Variants in SH3RF3 observed in about 807,000 individuals in gnomAD.
SH3RF3 encodes E3 ubiquitin-protein ligase SH3RF3.
SH3RF3 carries 29 observed loss-of-function variants against 66.3 expected under a neutral mutation model. That is an observed-to-expected ratio of 0.44 (90% CI 0.33 to 0.60). The LOEUF is 0.60. SH3RF3 is among the 20% of genes least tolerant of loss of function. The pLI, the probability that SH3RF3 is intolerant of heterozygous loss-of-function variation, is 0.04. For missense variants in SH3RF3, 1,194 were observed against 1,190.9 expected, an observed-to-expected ratio of 1.00 and a Z score of -0.04; for synonymous variants, 583 against 532.0, an observed-to-expected ratio of 1.10 and a Z score of -1.32.
chr2:109,383,008 AGATCG>A, intron 3 of SH3RF3, among the ~76,000 whole-genome samples: 2 of 152,340 alleles, frequency 1.3e-5, no homozygotes, highest in East Asian at 3.9e-4. Context: ...CTGAACCTGG[AGATCG>A]GCCTTAGGAA....
At chr2:109,235,401 T>C (rs1325384523) in intron 1 of SH3RF3, among the ~76,000 whole-genome samples, 3 of 152,100 alleles carry the variant, frequency 2.0e-5, no homozygotes, top group East Asian at 3.9e-4. Context: ...AGCCTTTGTG[T>C]GTGTTAGCTG....
intron 1 of SH3RF3, among the ~76,000 whole-genome samples, chr2:109,132,004 C>T (rs1291958693): frequency 6.6e-6 from 1 of 152,224 alleles, no homozygotes; most frequent in East Asian, 1.9e-4. Flanking sequence ...GCATATCAGG[C>T]ATTGAGCAAC....
At chr2:109,252,073 GCCATC>G (rs1680106519) in intron 1 of SH3RF3, among the ~76,000 whole-genome samples, 1 of 127,164 alleles carries the variant, frequency 7.9e-6, no homozygotes. Context: ...ATATAGAGAT[GCCATC>G]TCTACAAAAA....
intron 7 of SH3RF3, among the ~76,000 whole-genome samples, chr2:109,442,323 A>G (rs1039853620): frequency 3.9e-5 from 6 of 152,066 alleles, no homozygotes; most frequent in Non-Finnish European, 7.4e-5. Context: ...AAAAAAAAAA[A>G]AAAGAAAAAA....
intron 1 of SH3RF3, among the ~76,000 whole-genome samples, chr2:109,225,315 G>T: frequency 6.6e-6 from 1 of 152,220 alleles, no homozygotes; most frequent in East Asian, 1.9e-4. Context: ...GTACTCAGCT[G>T]GGTGGAGAGA....
In SH3RF3 at chr2:109,502,758, C is replaced by T. The variant is rs971391592; in HGVS notation, c.*1087C>T. ...AAGGAGCACGCAGGTCAACCCCAGC[C>T]GGGAAGGCAAAATCTTCCCTTTATT... On this transcript the variant is annotated 3_prime_UTR_variant, in exon 10 of 10. Coordinates refer to ENST00000309415, the MANE Select transcript of SH3RF3 (RefSeq NM_001099289.3). 5.3e-5 allele frequency: 8 copies of T among 152,216 alleles called. No individual in the cohort carries two copies. In the East Asian group the frequency reaches 5.8e-4, roughly 11 times the overall value. The allele number at this position is 152,216 out of a possible 1,614,324, so 9.4% of individuals were successfully genotyped here. A position where few individuals can be genotyped will look rare whatever the true frequency, so the allele number is the denominator to read the frequency against.
At chr2:109,253,563 A>G (rs575029620) in intron 1 of SH3RF3, among the ~76,000 whole-genome samples, 98 of 152,308 alleles carry the variant, frequency 6.4e-4, no homozygotes, top group African/African-American at 2.3e-3. Flanking sequence ...TGCTGGATCT[A>G]AGATGTTGAG....
At chr2:109,201,989 A>G in intron 1 of SH3RF3, among the ~76,000 whole-genome samples, 1 of 152,238 alleles carries the variant, frequency 6.6e-6, no homozygotes, top group Non-Finnish European at 1.5e-5. Context: ...TAATATGTCC[A>G]AAGGAAACGG....
chr2:109,405,826 G>T (rs911762315), intron 4 of SH3RF3, among the ~76,000 whole-genome samples: 4 of 152,234 alleles, frequency 2.6e-5, no homozygotes, highest in Non-Finnish European at 5.9e-5. Context: ...TGGGCTTTTA[G>T]GTCCTTGAAG....
chr2:109,312,845 A>T (rs2889869), intron 1 of SH3RF3, among the ~76,000 whole-genome samples: 12,251 of 152,108 alleles, frequency 0.081, 1,160 homozygotes, highest in African/African-American at 0.23. Context: ...GGGTACAAAC[A>T]TTTGCTTGAA....
intron 1 of SH3RF3, among the ~76,000 whole-genome samples, chr2:109,172,122 C>T (rs1251860871): frequency 6.6e-6 from 1 of 152,338 alleles, no homozygotes. Flanking sequence ...TGACCTGGGG[C>T]AGAGCGGGTG....
intron 5 of SH3RF3, among the ~76,000 whole-genome samples, chr2:109,431,229 A>G (rs923592540): frequency 4.6e-5 from 7 of 152,182 alleles, no homozygotes; most frequent in Non-Finnish European, 1.0e-4. Flanking sequence ...AAGCCGCTGG[A>G]TAGGGTCAGC....
At chr2:109,227,822 C>T (rs1679406400) in intron 1 of SH3RF3, among the ~76,000 whole-genome samples, 1 of 152,236 alleles carries the variant, frequency 6.6e-6, no homozygotes, top group Admixed American at 6.5e-5. Flanking sequence ...CGAATTCCCG[C>T]TCACTCTGGC....
At chr2:109,184,192 C>T (rs907123226) in intron 1 of SH3RF3, among the ~76,000 whole-genome samples, 4 of 152,200 alleles carry the variant, frequency 2.6e-5, no homozygotes, top group Admixed American at 2.0e-4. Context: ...TCCATATCTC[C>T]TCCCAGGTGG....
At position 109,182,411 on chromosome 2, in the gene SH3RF3, A is replaced by G. The variant is rs112840844; in HGVS notation, c.573+52298A>G. Among the ~76,000 whole-genome samples the G allele has an allele frequency of 7.1e-3, 1,082 of 152,318 alleles. 15 individuals carry two copies. The highest frequency in any genetic ancestry group is 0.025 in the African/African-American group (1,044 of 41,564). On this transcript the variant is annotated intron_variant, in intron 1 of 9. Coordinates refer to ENST00000309415, the MANE Select transcript of SH3RF3 (RefSeq NM_001099289.3). ...GACCTAATCACCTCTTAAAGGTCCA[A>G]ACCCTCTGCATTAGGGATCAAATTT...
At chr2:109,216,960 C>T (rs1161969493) in intron 1 of SH3RF3, among the ~76,000 whole-genome samples, 2 of 152,200 alleles carry the variant, frequency 1.3e-5, no homozygotes, top group Non-Finnish European at 2.9e-5. Context: ...CCTCCACCCT[C>T]CAGGCCCTGG....
At chr2:109,416,878 C>A (rs1030946687) in intron 4 of SH3RF3, among the ~76,000 whole-genome samples, 4 of 148,696 alleles carry the variant, frequency 2.7e-5, no homozygotes, top group Non-Finnish European at 4.4e-5. Context: ...GCATTCCAGC[C>A]TGGGCGACAG....
At chr2:109,210,040 C>T (rs559426508) in intron 1 of SH3RF3, among the ~76,000 whole-genome samples, 1 of 152,160 alleles carries the variant, frequency 6.6e-6, no homozygotes, top group African/African-American at 2.4e-5. Context: ...TTCTAGGGAC[C>T]GCAGAGTCAA....
chr2:109,197,779 AG>A (rs1365393903), intron 1 of SH3RF3, among the ~76,000 whole-genome samples: 1 of 152,252 alleles, frequency 6.6e-6, no homozygotes, highest in African/African-American at 2.4e-5. Flanking sequence ...TGCCTGAGGA[AG>A]CCTGGCATGA....
Sources: gnomAD v4.1 joint callset for allele counts (sites outside exome capture counted in the v4.1 genomes callset) on GRCh38, gnomAD v4.1.1 for gene constraint, MANE v1.5 for transcripts, NCBI Gene and HGNC (gene_info 2026-07-23, HGNC 2026-07-21) for gene names.